The following FGF13 variants were observed in gnomAD, a reference collection of about 807,000 sequenced individuals.
FGF13 encodes the protein fibroblast growth factor homologous factor 2.
A neutral mutation model predicts 19.5 loss-of-function variants in FGF13; 2 were observed. That is an observed-to-expected ratio of 0.10 (90% CI 0.04 to 0.32). The LOEUF is 0.32. FGF13 is among the 10% of genes least tolerant of loss of function. The pLI is 1.00. For missense variants in FGF13, 113 were observed against 192.7 expected (o/e 0.59, Z 2.45); for synonymous variants, 72 against 76.9 (o/e 0.94, Z 0.33).
At chrX:138,902,406 T>C (rs1003472605) in intron 1 of FGF13, among the ~76,000 whole-genome samples, 16 of 112,284 alleles carry the variant, frequency 1.4e-4, no homozygotes, top group Non-Finnish European at 2.4e-4. Context: ...CTTGTTCTCA[T>C]ATGATCTTCT....
chrX:138,887,387 C>T (rs2091456052), intron 1 of FGF13, among the ~76,000 whole-genome samples: 1 of 111,556 alleles, frequency 9.0e-6, no homozygotes, highest in African/African-American at 3.3e-5. Flanking sequence ...TATGGAAATC[C>T]TTATCAGCTA....
chrX:138,637,000 T>C (rs1305948843), intron 3 of FGF13, among the ~76,000 whole-genome samples: 1 of 111,840 alleles, frequency 8.9e-6, no homozygotes, highest in African/African-American at 3.3e-5. Flanking sequence ...TTTTCTGGGA[T>C]TCTACAAACA....
intron 3 of FGF13, among the ~76,000 whole-genome samples, chrX:138,851,036 G>A (rs894418010): frequency 7.2e-5 from 8 of 111,272 alleles, no homozygotes; most frequent in Non-Finnish European, 1.3e-4. Flanking sequence ...AATGGCCTCT[G>A]GATCCATCCA....
At chrX:139,008,142 G>A (rs1257002294) in intron 1 of FGF13, among the ~76,000 whole-genome samples, 1 of 112,063 alleles carries the variant, frequency 8.9e-6, no homozygotes, top group Non-Finnish European at 1.9e-5. Context: ...GGCAGCCACA[G>A]GAAGCCCTGC....
At chrX:138,963,248 A>C (rs112689704) in intron 1 of FGF13, among the ~76,000 whole-genome samples, 2,984 of 113,263 alleles carry the variant, frequency 0.026, 108 homozygotes, top group African/African-American at 0.09. Flanking sequence ...CCATTCCCAC[A>C]GGTGGACAGC....
intron 1 of FGF13, among the ~76,000 whole-genome samples, chrX:139,030,462 G>C (rs2092222244): frequency 9.0e-6 from 1 of 111,560 alleles, no homozygotes; most frequent in Middle Eastern, 4.2e-3. Flanking sequence ...GTTATCTACT[G>C]CTGTGTAAAA....
chrX:139,060,891 C>T (rs2092334235), intron 1 of FGF13, among the ~76,000 whole-genome samples: 1 of 110,753 alleles, frequency 9.0e-6, no homozygotes, highest in Admixed American at 9.6e-5. Context: ...TTTGTATTCC[C>T]TTCCAACTAT....
intron 1 of FGF13, among the ~76,000 whole-genome samples, chrX:138,916,756 C>T (rs1465223565): frequency 3.6e-5 from 4 of 112,049 alleles, no homozygotes; most frequent in Non-Finnish European, 5.6e-5. Flanking sequence ...GCAAATGAAA[C>T]TTTAGAGACC....
intron 3 of FGF13, among the ~76,000 whole-genome samples, chrX:138,769,474 A>G (rs2090529107): frequency 8.9e-6 from 1 of 112,024 alleles, no homozygotes; most frequent in East Asian, 2.8e-4. Flanking sequence ...TACTTAGCCC[A>G]CTGCCTGGCA....
At chrX:139,098,260 C>T (rs930311215) in intron 1 of FGF13, among the ~76,000 whole-genome samples, 1 of 111,538 alleles carries the variant, frequency 9.0e-6, no homozygotes, top group Non-Finnish European at 1.9e-5. Context: ...TAGGGTAGCA[C>T]ATCTGTTTTG....
chrX:138,707,997 T>C (rs2090008064), intron 2 of FGF13, among the ~76,000 whole-genome samples: 1 of 112,104 alleles, frequency 8.9e-6, no homozygotes, highest in Non-Finnish European at 1.9e-5. Context: ...TCAGTAGAAA[T>C]TGGAGAAAAC....
At chrX:138,927,632 T>G (rs960169277) in intron 1 of FGF13, among the ~76,000 whole-genome samples, 1 of 112,250 alleles carries the variant, frequency 8.9e-6, no homozygotes, top group African/African-American at 3.2e-5. Flanking sequence ...TCTTACCACC[T>G]TCTCCTTTGA....
chrX:139,189,577 G>A (rs927216403), intron 1 of FGF13, among the ~76,000 whole-genome samples: 10 of 111,922 alleles, frequency 8.9e-5, no homozygotes, highest in African/African-American at 3.2e-4. Flanking sequence ...AAATCAGTCA[G>A]TCACAAAATG....
chrX:139,116,409 A>G (rs1393799699), intron 1 of FGF13, among the ~76,000 whole-genome samples: 1 of 111,907 alleles, frequency 8.9e-6, no homozygotes, highest in Non-Finnish European at 1.9e-5. Flanking sequence ...AATTTATCCC[A>G]AAGACCAACT....
At chrX:138,738,349 G>A (rs985218922) in intron 1 of FGF13, among the ~76,000 whole-genome samples, 4 of 112,159 alleles carry the variant, frequency 3.6e-5, no homozygotes, top group Non-Finnish European at 7.5e-5. Flanking sequence ...TAAAGCAAGT[G>A]CAAAGGGTTT....
At chrX:138,716,427 T>G (rs2090102258), upstream of FGF13, 1 of 111,009 alleles carries the variant, frequency 9.0e-6, no homozygotes, top group African/African-American at 3.3e-5. Flanking sequence ...ATAGGCTCTT[T>G]TCAGCCAGCC....
At chrX:138,716,720 A>G (rs2090106585) in intron 1 of FGF13, 1 of 112,744 alleles carries the variant, frequency 8.9e-6, no homozygotes, top group Non-Finnish European at 1.9e-5. Context: ...ATTCTGTTAC[A>G]TACCCTGACA....
At chrX:138,698,646 G>A (rs1008791600) in intron 3 of FGF13, among the ~76,000 whole-genome samples, 4 of 111,554 alleles carry the variant, frequency 3.6e-5, no homozygotes, top group Non-Finnish European at 5.6e-5. Flanking sequence ...ATATTCATGC[G>A]TAGATCCCAC....
At chrX:139,076,928 C>T (rs1251238363) in intron 1 of FGF13, among the ~76,000 whole-genome samples, 1 of 112,165 alleles carries the variant, frequency 8.9e-6, no homozygotes, top group Non-Finnish European at 1.9e-5. Flanking sequence ...CACTACACTA[C>T]GGTCCAGGGA....
Sources: allele counts gnomAD v4.1 joint callset (sites outside exome capture counted in the v4.1 genomes callset), GRCh38; gene constraint gnomAD v4.1.1; transcripts MANE v1.5; gene names NCBI Gene and HGNC (gene_info 2026-07-23, HGNC 2026-07-21).